The following ZNF521 variants were observed in gnomAD, a reference collection of about 807,000 sequenced individuals.
ZNF521 encodes LYST-interacting protein 3.
A neutral mutation model predicts 105.5 loss-of-function variants in ZNF521; 14 were observed. That is an observed-to-expected ratio of 0.13 (90% CI 0.09 to 0.21). The LOEUF (loss-of-function observed/expected upper bound fraction) is 0.21. Among genes scored for constraint, ZNF521 ranks in the 10% least tolerant of loss-of-function variants. The pLI, the probability that ZNF521 is intolerant of heterozygous loss-of-function variation, is 1.00. For synonymous variants in ZNF521, 635 were observed against 606.0 expected (o/e 1.05, Z -0.70); for missense variants, 1,233 against 1,629.7 (o/e 0.76, Z 4.19).
intron 4 of ZNF521, among the ~76,000 whole-genome samples, chr18:25,198,652 T>C (rs2035941478): frequency 6.6e-6 from 1 of 151,894 alleles, no homozygotes; most frequent in African/African-American, 2.4e-5. Context: ...GAGGTGACTA[T>C]TACATCAATT....
chr18:25,078,766 A>C (rs1447642099), intron 7 of ZNF521, among the ~76,000 whole-genome samples: 1 of 152,242 alleles, frequency 6.6e-6, no homozygotes, highest in Non-Finnish European at 1.5e-5. Context: ...GAAACGTTGC[A>C]CATTAATCTT....
intron 3 of ZNF521, chr18:25,315,745 A>G (rs1280640690): frequency 6.6e-6 from 1 of 152,164 alleles, no homozygotes; most frequent in East Asian, 1.9e-4. Flanking sequence ...TACGGAGTGA[A>G]TAGGTTTTCA....
intron 5 of ZNF521, among the ~76,000 whole-genome samples, chr18:25,138,616 T>C (rs937849426): frequency 6.6e-6 from 1 of 152,180 alleles, no homozygotes; most frequent in Non-Finnish European, 1.5e-5. Flanking sequence ...ATCTCAAAGC[T>C]AATGAACAGA....
intron 3 of ZNF521, among the ~76,000 whole-genome samples, chr18:25,256,054 T>C (rs1325491954): frequency 1.3e-5 from 2 of 148,800 alleles, no homozygotes; most frequent in African/African-American, 4.9e-5. Context: ...TATATATATA[T>C]GTAAAATGGG....
intron 2 of ZNF521, chr18:25,327,666 CT>C (rs1333154798): frequency 1.9e-6 from 1 of 518,968 alleles, no homozygotes; most frequent in African/African-American, 1.9e-5. Flanking sequence ...GCTTTCTGGG[CT>C]CTAGATATGC....
chr18:25,161,876 A>G (rs2035256890), intron 5 of ZNF521, among the ~76,000 whole-genome samples: 1 of 152,188 alleles, frequency 6.6e-6, no homozygotes, highest in African/African-American at 2.4e-5. Context: ...ACAGACAAGC[A>G]GGTAGACTTC....
chr18:25,152,200 T>TG lies in ZNF521; in HGVS notation c.3658+42959dup, dbSNP rs565050799. On this transcript the variant is annotated intron_variant, in intron 5 of 7. Coordinates refer to ENST00000361524, the MANE Select transcript of ZNF521 (RefSeq NM_015461.3). ...CAATTTAGAAAACTATCCTCTAGGC[T>TG]GGGCATGGTGGCTCACGCCTGTAAT... Among the ~76,000 whole-genome samples the TG allele has an allele frequency of 2.0e-4, 30 of 152,272 alleles. 1 individual carries two copies. In the East Asian group the frequency reaches 5.8e-3, roughly 29 times the overall value.
At chr18:25,327,775 C>T (rs1451912082) in intron 2 of ZNF521, 1 of 490,160 alleles carries the variant, frequency 2.0e-6, no homozygotes, top group Non-Finnish European at 4.1e-6. Context: ...AGGAAGGCAG[C>T]ATTGCCAGAC....
intron 7 of ZNF521, among the ~76,000 whole-genome samples, chr18:25,068,209 A>G (rs949005374): frequency 6.6e-6 from 1 of 152,222 alleles, no homozygotes; most frequent in East Asian, 1.9e-4. Flanking sequence ...AAAGAAATAT[A>G]AAGATTAAAT....
chr18:25,228,655 A>T (rs904950155), intron 3 of ZNF521, among the ~76,000 whole-genome samples: 2 of 152,244 alleles, frequency 1.3e-5, no homozygotes, highest in African/African-American at 4.8e-5. Flanking sequence ...ATAAATGATT[A>T]TGGTAAATGC....
At chr18:25,351,110 G>C (rs1295029461) in intron 1 of ZNF521, 163 bp from the exon 2 acceptor site, 1 of 250,628 alleles carries the variant, frequency 4.0e-6, no homozygotes, top group Admixed American at 6.5e-5. Flanking sequence ...GCTCGCGCTC[G>C]CGCGCGGGGC....
At chr18:25,310,367 G>C (rs776617944) in intron 3 of ZNF521, among the ~76,000 whole-genome samples, 1 of 151,728 alleles carries the variant, frequency 6.6e-6, no homozygotes, top group African/African-American at 2.4e-5. Flanking sequence ...AGTCACCAGG[G>C]GGAGCTAATT....
intron 2 of ZNF521, among the ~76,000 whole-genome samples, chr18:25,349,967 C>T (rs914706862): frequency 8.6e-5 from 13 of 151,818 alleles, no homozygotes; most frequent in African/African-American, 2.2e-4. Context: ...AGCGCCGGAC[C>T]TCGCGGCTCC....
intron 5 of ZNF521, among the ~76,000 whole-genome samples, chr18:25,123,708 ACTTT>A (rs1274103062): frequency 6.6e-6 from 1 of 152,206 alleles, no homozygotes; most frequent in African/African-American, 2.4e-5. Flanking sequence ...ATAAAAATAC[ACTTT>A]CTAATATAAC....
chr18:25,144,386 T>C (rs968047201), intron 5 of ZNF521, among the ~76,000 whole-genome samples: 7 of 152,198 alleles, frequency 4.6e-5, no homozygotes, highest in Non-Finnish European at 1.0e-4. Flanking sequence ...CTTTTCTTTT[T>C]GATAGGGAAC....
At chr18:25,172,145 C>T (rs2035460155) in intron 5 of ZNF521, among the ~76,000 whole-genome samples, 1 of 152,050 alleles carries the variant, frequency 6.6e-6, no homozygotes, top group African/African-American at 2.4e-5. Flanking sequence ...CATAGATATG[C>T]TAGAACATTT....
At chr18:25,152,508 A>G (rs116195710) in intron 5 of ZNF521, among the ~76,000 whole-genome samples, 2,824 of 152,018 alleles carry the variant, frequency 0.019, 79 homozygotes, top group African/African-American at 0.063. Flanking sequence ...AAAAGAAAGA[A>G]AAGAAAGCTA....
intron 3 of ZNF521, among the ~76,000 whole-genome samples, chr18:25,251,716 G>A (rs1044479327): frequency 6.6e-6 from 1 of 152,138 alleles, no homozygotes; most frequent in Non-Finnish European, 1.5e-5. Context: ...ACAGGCCAAC[G>A]TGGCAGCCGC....
intron 3 of ZNF521, among the ~76,000 whole-genome samples, chr18:25,294,401 G>A (rs1360466318): frequency 6.6e-6 from 1 of 152,142 alleles, no homozygotes; most frequent in Non-Finnish European, 1.5e-5. Flanking sequence ...ATAGGCCTAG[G>A]ATGTCTTCTT....
Sources: allele counts gnomAD v4.1 joint callset (sites outside exome capture counted in the v4.1 genomes callset), GRCh38; gene constraint gnomAD v4.1.1; transcripts MANE v1.5; gene names NCBI Gene and HGNC (gene_info 2026-07-23, HGNC 2026-07-21).